MZT1: variants seen among roughly 807,000 people sequenced by gnomAD.
MZT1 encodes mitotic spindle organizing protein 1.
In MZT1, 8 loss-of-function variants were observed where a neutral mutation model predicts 8.5. The ratio of observed to expected loss-of-function variants is 0.94; its 90% CI spans 0.55 to 1.70. The LOEUF is 1.70. MZT1 is among the 40% of genes most tolerant of loss of function. The probability of loss-of-function intolerance (pLI) is 0.00; values close to 1 mark genes in which losing one functional copy is unlikely to be tolerated. For synonymous variants in MZT1, 38 were observed against 42.0 expected (o/e 0.90, Z 0.37); for missense variants, 93 against 108.6 (o/e 0.86, Z 0.64).
chr13:72,725,051 CA>C (rs767509747), intron 1 of MZT1, among the ~76,000 whole-genome samples: 3,973 of 93,832 alleles, frequency 0.042, 165 homozygotes, highest in African/African-American at 0.13. Context: ...GACTCGGTCT[CA>C]AAAAAAAAAA....
rs985377269 is a variant in MZT1 at position 72,708,705 on chromosome 13, A to T, written c.*1617T>A. ...TATTTGTAGTGTTGATTATAAATCAAATGACTTTTTACAAATTCCTACTGT... is the reference window on the plus strand; with the variant it reads ...TATTTGTAGTGTTGATTATAAATCATATGACTTTTTACAAATTCCTACTGT... On this transcript the variant is annotated 3_prime_UTR_variant, in exon 3 of 3. Transcript: ENST00000377818. 3.3e-5 allele frequency: 5 copies of T among 152,148 alleles called. No homozygotes were observed. The highest frequency in any genetic ancestry group is 1.2e-4 in the African/African-American group (5 of 41,440). 9.4% of individuals were successfully genotyped at this position (152,148 alleles called of 1,614,324 possible). A position where few individuals can be genotyped will look rare whatever the true frequency, so the allele number is the denominator to read the frequency against.
At chr13:72,725,563 C>A (rs187400616) in intron 1 of MZT1, among the ~76,000 whole-genome samples, 5 of 152,066 alleles carry the variant, frequency 3.3e-5, no homozygotes, top group African/African-American at 1.2e-4. Flanking sequence ...TTTGATCTCA[C>A]GGGTTGATTT....
At chr13:72,727,387 C>T in intron 1 of MZT1, 137 bp downstream of exon 1, 1 of 856,576 alleles carries the variant, frequency 1.2e-6, no homozygotes, top group South Asian at 1.4e-5. Flanking sequence ...GCGGCCCTGG[C>T]AGGTCCCTAC....
At chr13:72,726,900 T>A (rs995841927) in intron 1 of MZT1, among the ~76,000 whole-genome samples, 1 of 152,144 alleles carries the variant, frequency 6.6e-6, no homozygotes, top group African/African-American at 2.4e-5. Context: ...TGTGTAGGCT[T>A]CACACACACG....
chr13:72,718,371 C>A (rs1358823772), intron 2 of MZT1, among the ~76,000 whole-genome samples: 1 of 152,206 alleles, frequency 6.6e-6, no homozygotes, highest in Admixed American at 6.5e-5. Context: ...GGGGTTAGGA[C>A]CTCAACATGC....
intron 1 of MZT1, among the ~76,000 whole-genome samples, chr13:72,727,090 C>G (rs1310468688): frequency 6.6e-6 from 1 of 152,272 alleles, no homozygotes; most frequent in Non-Finnish European, 1.5e-5. Flanking sequence ...TGGCCCCTGT[C>G]CCCGCCGGGA....
At chr13:72,727,461 C>CCCG in intron 1 of MZT1, 63 bp downstream of exon 1, 1 of 1,533,500 alleles carries the variant, frequency 6.5e-7, no homozygotes. Context: ...CAGGCTCATT[C>CCCG]CCGCCTGGGG....
At chr13:72,727,404 T>C in intron 1 of MZT1, 120 bp downstream of exon 1, 2 of 987,738 alleles carry the variant, frequency 2.0e-6, no homozygotes, top group South Asian at 2.6e-5. Flanking sequence ...CTACCAAAGA[T>C]CTTGGAAGAT....
intron 1 of MZT1, among the ~76,000 whole-genome samples, chr13:72,720,679 G>A (rs1337669551): frequency 1.3e-5 from 2 of 152,050 alleles, no homozygotes; most frequent in African/African-American, 4.8e-5. Context: ...ACCTGAGGTC[G>A]GGAGTTCGAG....
At chr13:72,718,359 C>T (rs1289511997) in intron 2 of MZT1, among the ~76,000 whole-genome samples, 1 of 152,226 alleles carries the variant, frequency 6.6e-6, no homozygotes, top group African/African-American at 2.4e-5. Flanking sequence ...TCATTGGGAC[C>T]AGGGGTTAGG....
intron 2 of MZT1, among the ~76,000 whole-genome samples, chr13:72,717,955 A>C (rs1018282744): frequency 6.6e-6 from 1 of 152,112 alleles, no homozygotes; most frequent in Non-Finnish European, 1.5e-5. Flanking sequence ...CCACATCCTC[A>C]CTTTTAAGTA....
chr13:72,726,152 G>A (rs1482463352), intron 1 of MZT1, among the ~76,000 whole-genome samples: 1 of 151,144 alleles, frequency 6.6e-6, no homozygotes, highest in Non-Finnish European at 1.5e-5. Context: ...AAATGAGGCC[G>A]GGCATGGTGG....
intron 1 of MZT1, among the ~76,000 whole-genome samples, chr13:72,721,072 T>C (rs574973464): frequency 2.0e-5 from 3 of 152,344 alleles, no homozygotes; most frequent in African/African-American, 7.2e-5. Flanking sequence ...TTTCACATCA[T>C]GGGTCATACT....
intron 1 of MZT1, among the ~76,000 whole-genome samples, chr13:72,720,896 AAAAC>A (rs1007565395): frequency 1.7e-4 from 25 of 150,602 alleles, no homozygotes; most frequent in Admixed American, 1.4e-3. Context: ...CTCAAAAGAA[AAAAC>A]AAACAAACAA....
In MZT1 at chr13:72,710,446, T is replaced by G; in HGVS notation, c.226-101A>C. The G allele has an allele frequency of 2.7e-6, 3 of 1,094,698 alleles. No homozygotes were observed. The South Asian group carries it at 3.9e-5, about 14-fold the overall frequency. 67.8% of individuals were successfully genotyped at this position (1,094,698 alleles called of 1,614,324 possible). A position where few individuals can be genotyped will look rare whatever the true frequency, so the allele number is the denominator to read the frequency against. On this transcript the variant is annotated intron_variant, in intron 2 of 2. Coordinates refer to ENST00000377818, the MANE Select transcript of MZT1 (RefSeq NM_001071775.3). Reference sequence around the variant, plus strand: ...TGCACTGTCATTAACAAACAACTATTCCCCATAAAACAGAACCACTTTTAT... The same window carrying G: ...TGCACTGTCATTAACAAACAACTATGCCCCATAAAACAGAACCACTTTTAT...
At chr13:72,724,746 A>C (rs71451488) in intron 1 of MZT1, among the ~76,000 whole-genome samples, 1 of 37,242 alleles carries the variant, frequency 2.7e-5, no homozygotes, top group African/African-American at 5.4e-5. Context: ...ATATACACAT[A>C]TATATATGTA....
intron 1 of MZT1, among the ~76,000 whole-genome samples, chr13:72,719,841 T>C (rs915341895): frequency 3.3e-5 from 5 of 152,226 alleles, no homozygotes; most frequent in Non-Finnish European, 5.9e-5. Flanking sequence ...ACAGAGAAAC[T>C]TGGTTTCCAA....
intron 1 of MZT1, among the ~76,000 whole-genome samples, chr13:72,720,115 T>A (rs2032578265): frequency 6.6e-6 from 1 of 152,220 alleles, no homozygotes; most frequent in Admixed American, 6.5e-5. Context: ...CCCTAGAGTT[T>A]GGGTGGAAAA....
At chr13:72,727,378 C>G in intron 1 of MZT1, 146 bp downstream of exon 1, 7 of 795,160 alleles carry the variant, frequency 8.8e-6, no homozygotes, top group Non-Finnish European at 1.5e-5. Flanking sequence ...ATCAGCCCTG[C>G]GGCCCTGGCA....
Sources: gnomAD v4.1 joint callset for allele counts (sites outside exome capture counted in the v4.1 genomes callset) on GRCh38, gnomAD v4.1.1 for gene constraint, MANE v1.5 for transcripts, NCBI Gene and HGNC (gene_info 2026-07-23, HGNC 2026-07-21) for gene names.